Variants in ATP2C2 observed in about 807,000 individuals in gnomAD.
The protein encoded by ATP2C2 is ATPase secretory pathway Ca2+ transporting 2, also known as calcium-transporting ATPase type 2C member 2.
A neutral mutation model predicts 110.8 loss-of-function variants in ATP2C2; 171 were observed. The observed-to-expected ratio is 1.54, with a 90% CI of 1.36 to 1.75. ATP2C2 has a LOEUF of 1.75. Ranked by LOEUF, ATP2C2 falls within the 40% of genes most tolerant of loss-of-function variation. ATP2C2 has a pLI of 0.00. For synonymous variants in ATP2C2, 804 were observed against 508.4 expected (o/e 1.58, Z -7.82); for missense variants, 1,963 against 1,235.0 (o/e 1.59, Z -8.84).
At chr16:84,436,623 C>T (rs1908758266) in intron 11 of ATP2C2, among the ~76,000 whole-genome samples, 1 of 152,194 alleles carries the variant, frequency 6.6e-6, no homozygotes, top group East Asian at 1.9e-4. Flanking sequence ...CATGCGGTGA[C>T]AGCACTTGGA....
In ATP2C2 at chr16:84,439,302, C is replaced by A. The variant is rs1260288315; in HGVS notation, c.1111+12C>A. 5.0e-6 allele frequency: 8 copies of A among 1,613,286 alleles called. No homozygotes were observed. The highest frequency in any genetic ancestry group is 6.8e-6 in the Non-Finnish European group (8 of 1,180,022). On this transcript the variant is annotated intron_variant, in intron 12 of 26. Coordinates refer to ENST00000262429, the MANE Select transcript of ATP2C2 (RefSeq NM_014861.4). ...CGTGGAGACTTTAGGTGAGGGACTC[C>A]AGCTGGTGGAATCCTTACACGTGGA...
chr16:84,409,301 G>C (rs148584978), intron 4 of ATP2C2, among the ~76,000 whole-genome samples: 49 of 152,286 alleles, frequency 3.2e-4, no homozygotes, highest in African/African-American at 1.0e-3. Flanking sequence ...GCCTTTCATA[G>C]GGTCAGGGGG....
chr16:84,463,385 C>T (rs1167830436), intron 26 of ATP2C2, among the ~76,000 whole-genome samples: 2 of 152,146 alleles, frequency 1.3e-5, no homozygotes, highest in Non-Finnish European at 2.9e-5. Context: ...CCAGACCCAC[C>T]CTGTGCTCTG....
intron 11 of ATP2C2, among the ~76,000 whole-genome samples, chr16:84,435,335 T>C (rs933810822): frequency 6.6e-6 from 1 of 152,226 alleles, no homozygotes; most frequent in African/African-American, 2.4e-5. Flanking sequence ...ATCAACTGTC[T>C]TAGCTCTGAT....
At chr16:84,407,834 A>T (rs530419593) in intron 3 of ATP2C2, among the ~76,000 whole-genome samples, 1 of 152,078 alleles carries the variant, frequency 6.6e-6, no homozygotes, top group Non-Finnish European at 1.5e-5. Context: ...ATCCGGTTTT[A>T]TGTGTTTGCA....
At chr16:84,441,956 A>G (rs1259996435) in intron 14 of ATP2C2, among the ~76,000 whole-genome samples, 2 of 74,478 alleles carry the variant, frequency 2.7e-5, no homozygotes, top group African/African-American at 9.7e-5. Flanking sequence ...AAATATGCAA[A>G]ACTAGTAATA....
chr16:84,379,371 G>A (rs1910440885), intron 1 of ATP2C2, among the ~76,000 whole-genome samples: 1 of 152,144 alleles, frequency 6.6e-6, no homozygotes, highest in Non-Finnish European at 1.5e-5. Context: ...TTGCTAAGTT[G>A]CCTAGGCTGG....
At chr16:84,421,816 C>T (rs1167945553) in intron 7 of ATP2C2, among the ~76,000 whole-genome samples, 1 of 152,154 alleles carries the variant, frequency 6.6e-6, no homozygotes, top group African/African-American at 2.4e-5. Flanking sequence ...TAGAGTCTTC[C>T]ATTGGGGGTG....
intron 1 of ATP2C2, among the ~76,000 whole-genome samples, chr16:84,391,472 C>T (rs190543440): frequency 1.4e-4 from 21 of 152,332 alleles, no homozygotes; most frequent in Admixed American, 8.5e-4. Context: ...TTTATCCATG[C>T]AGTCAAATTA....
chr16:84,372,569 C>T (rs1302544866), intron 1 of ATP2C2, among the ~76,000 whole-genome samples: 1 of 151,936 alleles, frequency 6.6e-6, no homozygotes, highest in Non-Finnish European at 1.5e-5. Context: ...GGATTACAGG[C>T]ACCCGCCACC....
chr16:84,451,395 A>G (rs920856355), intron 17 of ATP2C2, among the ~76,000 whole-genome samples: 16 of 152,192 alleles, frequency 1.1e-4, no homozygotes, highest in African/African-American at 3.9e-4. Context: ...ATTTTCTGCT[A>G]TGCAGCTGTT....
At chr16:84,414,096 A>G (rs1408887954) in intron 6 of ATP2C2, among the ~76,000 whole-genome samples, 2 of 152,218 alleles carry the variant, frequency 1.3e-5, no homozygotes, top group Non-Finnish European at 2.9e-5. Context: ...ATAGCTGTCG[A>G]TCAGGCTGAC....
rs778642358 is a variant in ATP2C2 at position 84,454,220 on chromosome 16, T to C, written c.1981-598T>C. On this transcript the variant is annotated intron_variant, in intron 20 of 26. Coordinates refer to ENST00000262429, the MANE Select transcript of ATP2C2 (RefSeq NM_014861.4). The stretch of plus-strand genomic sequence containing the variant: ...CTGATTCACAGGGTTGGTAGAGAAT[T>C]AAACAAAGCCAGGCCCATGAATCTC... Among the ~76,000 whole-genome samples the C allele has an allele frequency of 9.9e-5, 15 of 152,134 alleles. 1 individual carries two copies. The highest frequency in any genetic ancestry group is 2.1e-4 in the Non-Finnish European group (14 of 68,028).
At chr16:84,399,409 A>G (rs1431182702) in intron 2 of ATP2C2, among the ~76,000 whole-genome samples, 2 of 152,244 alleles carry the variant, frequency 1.3e-5, no homozygotes, top group African/African-American at 4.8e-5. Context: ...AAGAATCTAG[A>G]AATCAATTCT....
At chr16:84,405,479 TATATGA>T (rs199846484) in intron 3 of ATP2C2, among the ~76,000 whole-genome samples, 3,602 of 152,272 alleles carry the variant, frequency 0.024, 48 homozygotes, top group Non-Finnish European at 0.036. Flanking sequence ...GGCCCCACGC[TATATGA>T]GTAAGTGAAT....
chr16:84,386,739 C>T (rs932228192), intron 1 of ATP2C2, among the ~76,000 whole-genome samples: 1 of 151,934 alleles, frequency 6.6e-6, no homozygotes, highest in African/African-American at 2.4e-5. Context: ...CACATCAATG[C>T]TAGGTGCGAG....
At chr16:84,462,208 G>C in intron 26 of ATP2C2, 79 bp downstream of exon 26, 3 of 1,548,116 alleles carry the variant, frequency 1.9e-6, no homozygotes, top group Non-Finnish European at 8.7e-7. Flanking sequence ...GGGAGCTGCA[G>C]CCCAGGAGGG....
rs374897126 is a variant in ATP2C2, at chr16:84,459,206, T to G, written c.2216+18T>G. ...CTGAGCACGTAAGTAGAGGCCAGCATTCCGAGTGTCATTAAGCACCACGCC... is the reference window on the plus strand; with the variant it reads ...CTGAGCACGTAAGTAGAGGCCAGCAGTCCGAGTGTCATTAAGCACCACGCC... On this transcript the variant is annotated intron_variant, in intron 22 of 26. Coordinates refer to ENST00000262429, the MANE Select transcript of ATP2C2 (RefSeq NM_014861.4). 6.2e-7 allele frequency: 1 copy of G among 1,614,238 alleles called. No homozygotes were observed. Among genetic ancestry groups the G allele is most frequent in the Non-Finnish European group, 8.5e-7 (1 of 1,180,032 alleles).
Position 84,425,915 on chromosome 16 carries a change from C to T in ATP2C2, c.986+114C>T, listed in dbSNP as rs146339454. The T allele has an allele frequency of 3.1e-4, 405 of 1,291,964 alleles. 2 individuals are homozygous for T. The African/African-American group carries it at 5.0e-3, about 16-fold the overall frequency. The allele number at this position is 1,291,964 out of a possible 1,614,324, so 80.0% of individuals were successfully genotyped here. ...CAGAATAGGAAGGGTTGGGAAGGTGCAGCCCCGTCACCCAAACTCCAGCCT... is the reference window on the plus strand; with the variant it reads ...CAGAATAGGAAGGGTTGGGAAGGTGTAGCCCCGTCACCCAAACTCCAGCCT... On this transcript the variant is annotated intron_variant, in intron 11 of 26. Transcript: ENST00000262429.
Sources: allele counts gnomAD v4.1 joint callset (sites outside exome capture counted in the v4.1 genomes callset), GRCh38; gene constraint gnomAD v4.1.1; transcripts MANE v1.5; gene names NCBI Gene and HGNC (gene_info 2026-07-23, HGNC 2026-07-21).